The following ANKS1B variants were observed in gnomAD, a reference collection of about 807,000 sequenced individuals.
The protein encoded by ANKS1B is ankyrin repeat and sterile alpha motif domain containing 1B.
ANKS1B carries 36 observed loss-of-function variants against 148.3 expected under a neutral mutation model. The ratio of observed to expected loss-of-function variants is 0.24; its 90% CI spans 0.19 to 0.32. The LOEUF is 0.32. Among genes scored for constraint, ANKS1B ranks in the 10% least tolerant of loss-of-function variants. The pLI is 1.00. For synonymous variants in ANKS1B, 542 were observed against 560.8 expected (o/e 0.97, Z 0.47); for missense variants, 1,157 against 1,542.6 (o/e 0.75, Z 4.19).
chr12:98,798,970 C>T lies in ANKS1B; in HGVS notation c.3306G>A (p.Gly1102=), dbSNP rs760714421. The change falls in exon 22 of 27, where the codon GGG becomes GGA. Residue 1102 remains glycine, a synonymous_variant. Coordinates refer to ENST00000683438, the MANE Select transcript of ANKS1B (RefSeq NM_001352186.2). ...CACAAGCATCTTGGGTTGATTCTGT[C>T]CCCCTAAGCTCTTTTATCAGCATAG... ...LGSMLIKELR[G]TESTQDACAK... is the part of the protein sequence containing the mutation. 6.2e-7 allele frequency: 1 copy of T among 1,609,480 alleles called. No individual in the cohort carries two copies. Among genetic ancestry groups the T allele is most frequent in the Admixed American group, 1.7e-5 (1 of 59,320 alleles).
At position 99,774,794 on chromosome 12, in the gene ANKS1B, C is replaced by G. The variant is rs115865222; in HGVS notation, c.961+754G>C. Among the ~76,000 whole-genome samples the G allele has an allele frequency of 9.7e-3, 1,460 of 150,354 alleles. 28 individuals carry two copies. The highest frequency in any genetic ancestry group is 0.034 in the African/African-American group (1,391 of 40,894). On this transcript the variant is annotated intron_variant, in intron 7 of 26. Transcript: ENST00000683438. ...ATGTGTGTATACATTTATATACACA[C>G]TACACAAACAATGGACTATTATTCA...
At chr12:99,757,824 C>T (rs2061709082) in intron 8 of ANKS1B, among the ~76,000 whole-genome samples, 1 of 151,912 alleles carries the variant, frequency 6.6e-6, no homozygotes, top group Admixed American at 6.6e-5. Context: ...TTATCTTTAG[C>T]AAGCTAATGC....
At chr12:99,579,880 C>T (rs919540757) in intron 9 of ANKS1B, among the ~76,000 whole-genome samples, 4 of 151,730 alleles carry the variant, frequency 2.6e-5, no homozygotes, top group African/African-American at 9.7e-5. Context: ...AATCGTTCCA[C>T]CAAAAAAAAA....
rs541621334 is a variant in ANKS1B at position 98,744,516 on chromosome 12, G to C, written c.*1223C>G. ...GATATTGGTACTGTTTATATAATTTGATTCTACATAAATATACATTATGGT... is the reference window on the plus strand; with the variant it reads ...GATATTGGTACTGTTTATATAATTTCATTCTACATAAATATACATTATGGT... On this transcript the variant is annotated 3_prime_UTR_variant, in exon 27 of 27. Coordinates refer to ENST00000683438, the MANE Select transcript of ANKS1B (RefSeq NM_001352186.2). 17 of 587,002 alleles carry C rather than the reference G, an allele frequency of 2.9e-5. No individual in the cohort carries two copies. The highest frequency in any genetic ancestry group is 3.6e-5 in the Non-Finnish European group (17 of 466,650). 36.4% of individuals were successfully genotyped at this position (587,002 alleles called of 1,614,324 possible). A position where few individuals can be genotyped will look rare whatever the true frequency, so the allele number is the denominator to read the frequency against.
intron 1 of ANKS1B, among the ~76,000 whole-genome samples, chr12:99,878,662 T>A (rs2092294574): frequency 3.3e-5 from 5 of 152,194 alleles, no homozygotes; most frequent in Admixed American, 6.5e-5. Context: ...CTTTCACTTC[T>A]TTTTTATTTT....
chr12:99,033,721 G>A (rs1017543999), intron 17 of ANKS1B, among the ~76,000 whole-genome samples: 25 of 152,048 alleles, frequency 1.6e-4, no homozygotes, highest in African/African-American at 3.4e-4. Context: ...ACTCAGGTGC[G>A]TGTGTGAACA....
At chr12:98,980,501 C>T (rs145588954) in intron 17 of ANKS1B, among the ~76,000 whole-genome samples, 1,603 of 152,330 alleles carry the variant, frequency 0.011, 13 homozygotes, top group Non-Finnish European at 0.019. Context: ...CCACCGCGCC[C>T]GGCCGCACAT....
chr12:98,971,231 T>C (rs947311974), intron 17 of ANKS1B, among the ~76,000 whole-genome samples: 4 of 152,368 alleles, frequency 2.6e-5, no homozygotes, highest in African/African-American at 7.2e-5. Context: ...CAAATTTTTC[T>C]GGCTCTAAAG....
intron 8 of ANKS1B, among the ~76,000 whole-genome samples, chr12:99,709,770 A>G (rs2056370372): frequency 6.6e-6 from 1 of 152,096 alleles, no homozygotes; most frequent in South Asian, 2.1e-4. Flanking sequence ...AGCTGACTAT[A>G]GTGGTAGGTC....
chr12:99,934,255 G>A (rs1306599214), intron 1 of ANKS1B, among the ~76,000 whole-genome samples: 1 of 152,066 alleles, frequency 6.6e-6, no homozygotes, highest in Non-Finnish European at 1.5e-5. Flanking sequence ...ATCTTTGTCT[G>A]GTTTTGGTAT....
intron 8 of ANKS1B, among the ~76,000 whole-genome samples, chr12:99,679,536 C>T (rs1262946415): frequency 6.6e-6 from 1 of 152,104 alleles, no homozygotes; most frequent in Non-Finnish European, 1.5e-5. Flanking sequence ...TCTCAAACTC[C>T]TGACTTCAAG....
intron 19 of ANKS1B, among the ~76,000 whole-genome samples, chr12:98,827,076 C>T (rs1357129976): frequency 6.6e-6 from 1 of 152,136 alleles, no homozygotes; most frequent in African/African-American, 2.4e-5. Flanking sequence ...CATATTTTGA[C>T]AGGTTAAAGC....
chr12:99,262,723 T>A (rs961206242), intron 12 of ANKS1B, among the ~76,000 whole-genome samples: 3 of 152,092 alleles, frequency 2.0e-5, no homozygotes, highest in Non-Finnish European at 2.9e-5. Context: ...TTATTTTATT[T>A]GTCTAAAAAT....
chr12:99,818,749 A>AT (rs1164315625), intron 2 of ANKS1B, among the ~76,000 whole-genome samples: 1 of 151,876 alleles, frequency 6.6e-6, no homozygotes, highest in African/African-American at 2.4e-5. Context: ...TAGCTGCAAT[A>AT]TTTTGCAGCT....
chr12:99,395,748 A>C (rs1465549485), intron 12 of ANKS1B, among the ~76,000 whole-genome samples: 1 of 152,158 alleles, frequency 6.6e-6, no homozygotes, highest in East Asian at 1.9e-4. Context: ...TCACAATTCA[A>C]GCTACTTTTT....
At chr12:99,386,499 A>AT (rs1035894622) in intron 12 of ANKS1B, among the ~76,000 whole-genome samples, 23 of 152,142 alleles carry the variant, frequency 1.5e-4, no homozygotes, top group Non-Finnish European at 3.1e-4. Context: ...GAAAAAAAAA[A>AT]GCCATGCTAT....
intron 1 of ANKS1B, among the ~76,000 whole-genome samples, chr12:99,932,645 T>A (rs1284845627): frequency 6.6e-6 from 1 of 152,176 alleles, no homozygotes; most frequent in Non-Finnish European, 1.5e-5. Flanking sequence ...CCCATAGAGT[T>A]GTTTGAGCTC....
intron 9 of ANKS1B, among the ~76,000 whole-genome samples, chr12:99,559,102 A>T (rs981960993): frequency 5.9e-5 from 9 of 152,124 alleles, no homozygotes; most frequent in Admixed American, 4.6e-4. Context: ...TCAGCCCAGC[A>T]ACTGAATCCT....
At chr12:99,506,773 G>C (rs1185265767) in intron 9 of ANKS1B, among the ~76,000 whole-genome samples, 1 of 151,932 alleles carries the variant, frequency 6.6e-6, no homozygotes, top group African/African-American at 2.4e-5. Flanking sequence ...TAATGATATT[G>C]TTTACCTTTT....
Sources: allele counts gnomAD v4.1 joint callset (sites outside exome capture counted in the v4.1 genomes callset), GRCh38; gene constraint gnomAD v4.1.1; transcripts MANE v1.5; gene names NCBI Gene and HGNC (gene_info 2026-07-23, HGNC 2026-07-21).